The following GPNMB variants were observed in gnomAD, a reference collection of about 807,000 sequenced individuals.
GPNMB encodes glycoprotein nmb.
In GPNMB, 71 loss-of-function variants were observed where a neutral mutation model predicts 57.3. The ratio of observed to expected loss-of-function variants is 1.24; its 90% CI spans 1.02 to 1.51. The LOEUF (loss-of-function observed/expected upper bound fraction) is 1.51. Ranked by LOEUF, GPNMB falls within the 40% of genes most tolerant of loss-of-function variation. GPNMB has a pLI of 0.00. For synonymous variants in GPNMB, 253 were observed against 263.2 expected (o/e 0.96, Z 0.38); for missense variants, 677 against 691.9 (o/e 0.98, Z 0.24).
chr7:23,249,349 A>G (rs1782610285), intron 1 of GPNMB, among the ~76,000 whole-genome samples: 1 of 152,240 alleles, frequency 6.6e-6, no homozygotes. Context: ...CATGCAAAAC[A>G]GGACATCACA....
intron 6 of GPNMB, among the ~76,000 whole-genome samples, chr7:23,262,604 T>TTC (rs1782951193): frequency 1.5e-5 from 2 of 132,460 alleles, no homozygotes; most frequent in East Asian, 2.2e-4. Flanking sequence ...TATTTCACCA[T>TTC]TCTCTTTTTT....
At chr7:23,268,927 G>A (rs945974633) in intron 8 of GPNMB, among the ~76,000 whole-genome samples, 2 of 152,166 alleles carry the variant, frequency 1.3e-5, no homozygotes, top group African/African-American at 4.8e-5. Flanking sequence ...ATGAGATAGC[G>A]GTCAGGACAG....
intron 1 of GPNMB, among the ~76,000 whole-genome samples, chr7:23,251,958 A>G (rs1321221901): frequency 6.6e-6 from 1 of 152,216 alleles, no homozygotes; most frequent in African/African-American, 2.4e-5. Context: ...GTCTGCTACA[A>G]TTCTCAAAAG....
At chr7:23,251,032 G>A (rs916443802) in intron 1 of GPNMB, among the ~76,000 whole-genome samples, 2 of 152,278 alleles carry the variant, frequency 1.3e-5, no homozygotes, top group Admixed American at 6.5e-5. Context: ...CCAAATAGGA[G>A]CAATCTCATA....
Position 23,273,528 on chromosome 7 carries a change from C to G in GPNMB, c.1437C>G (p.Ala479=), listed in dbSNP as rs763713616. 1.9e-6 allele frequency: 3 copies of G among 1,611,528 alleles called. No homozygotes were observed. The highest frequency in any genetic ancestry group is 2.5e-6 in the Non-Finnish European group (3 of 1,177,710). The change falls in exon 10 of 11, where the codon GCC becomes GCG. Residue 479 remains alanine, a synonymous_variant. Transcript: ENST00000258733. ...TLISVPDRDP[A]SPLRMANSAL... ...TCTTGCTTCTGTTTTAAGACCCAGCCTCGCCTTTAAGGATGGCAAACAGTG... is the reference window on the plus strand; with the variant it reads ...TCTTGCTTCTGTTTTAAGACCCAGCGTCGCCTTTAAGGATGGCAAACAGTG...
intron 1 of GPNMB, among the ~76,000 whole-genome samples, chr7:23,250,158 T>C (rs1348751907): frequency 6.6e-6 from 1 of 152,256 alleles, no homozygotes; most frequent in Admixed American, 6.5e-5. Context: ...AAATTCTTTA[T>C]ATATTCTAAA....
At position 23,273,202 on chromosome 7, in the gene GPNMB, G is replaced by T. The variant is rs191062793; in HGVS notation, c.1430-319G>T. On this transcript the variant is annotated intron_variant, in intron 9 of 10. Coordinates refer to ENST00000258733, the MANE Select transcript of GPNMB (RefSeq NM_002510.3). ...GTAAGTAGAGAGAGAGGAAGCTGGA[G>T]GCACGGCCGCCTGATCACAGGAGCC... 54 of 238,016 alleles carry T rather than the reference G, an allele frequency of 2.3e-4. No homozygotes were observed. The East Asian group carries it at 5.3e-3, about 23-fold the overall frequency. 14.7% of individuals were successfully genotyped at this position (238,016 alleles called of 1,614,324 possible). A position where few individuals can be genotyped will look rare whatever the true frequency, so the allele number is the denominator to read the frequency against.
At position 23,247,343 on chromosome 7, in the gene GPNMB, G is replaced by C. The variant is rs1231761087; in HGVS notation, c.70+416G>C. On this transcript the variant is annotated intron_variant, in intron 1 of 10. Coordinates refer to ENST00000258733, the MANE Select transcript of GPNMB (RefSeq NM_002510.3). The stretch of plus-strand genomic sequence containing the variant: ...GTCTCCAATCTGGAGGCAAATTTAC[G>C]AATCTCCCCAGCCCTGAAGCTATTG... 1.3e-5 allele frequency: 3 copies of C among 228,632 alleles called. No individual in the cohort carries two copies. In the East Asian group the frequency reaches 3.2e-4, roughly 24 times the overall value. The allele number at this position is 228,632 out of a possible 1,614,324, so 14.2% of individuals were successfully genotyped here. A position where few individuals can be genotyped will look rare whatever the true frequency, so the allele number is the denominator to read the frequency against.
rs1783263572 is a variant in GPNMB at position 23,273,579 on chromosome 7, C to T, written c.1488C>T (p.Ala496=). ...NSALISVGCL[A]IFVTVISLLV... is the part of the protein sequence containing the mutation. ...CCCTGATCTCCGTTGGCTGCTTGGCCATATTTGTCACTGTGATCTCCCTCT... is the reference window on the plus strand; with the variant it reads ...CCCTGATCTCCGTTGGCTGCTTGGCTATATTTGTCACTGTGATCTCCCTCT... Residue 496 remains alanine (A), a synonymous_variant, in exon 10 of 11, where the codon GCC becomes GCT. Coordinates refer to ENST00000258733, the MANE Select transcript of GPNMB (RefSeq NM_002510.3). 1 of 1,613,550 alleles carries T rather than the reference C, an allele frequency of 6.2e-7. No individual in the cohort carries two copies.
At chr7:23,269,870 T>C in intron 8 of GPNMB, 97 bp from the exon 9 acceptor site, 3 of 788,106 alleles carry the variant, frequency 3.8e-6, no homozygotes, top group Admixed American at 2.1e-5. Context: ...TTCAATTTCA[T>C]AGAAATGTAA....
chr7:23,267,609 C>T (rs1237062860), intron 7 of GPNMB, among the ~76,000 whole-genome samples: 1 of 152,128 alleles, frequency 6.6e-6, no homozygotes, highest in Non-Finnish European at 1.5e-5. Context: ...TCATAGATGG[C>T]AGATAGCAGT....
At chr7:23,272,175 C>A (rs1350276380) in intron 9 of GPNMB, among the ~76,000 whole-genome samples, 3 of 152,204 alleles carry the variant, frequency 2.0e-5, no homozygotes, top group African/African-American at 7.2e-5. Flanking sequence ...TTTAGAATTA[C>A]CTTTAGAGTC....
In GPNMB at chr7:23,270,068, C is replaced by T; in HGVS notation, c.1322C>T (p.Thr441Ile). The change falls in exon 9 of 11, where the codon ACT becomes ATT. Residue 441 changes from threonine to isoleucine, a missense_variant. By Grantham distance (89) the Thr-to-Ile change is moderately conservative. Transcript: ENST00000258733. Reference protein sequence around the residue: ...PVDVDEMCLLTVRRTFNGSGT... With the variant: ...PVDVDEMCLLIVRRTFNGSGT... ...GATGTGGATGAGATGTGTCTGCTGACTGTGAGACGAACCTTCAATGGGTCT... is the reference window on the plus strand; with the variant it reads ...GATGTGGATGAGATGTGTCTGCTGATTGTGAGACGAACCTTCAATGGGTCT... 6.2e-7 allele frequency: 1 copy of T among 1,614,036 alleles called. No homozygotes were observed. Among genetic ancestry groups the T allele is most frequent in the Non-Finnish European group, 8.5e-7 (1 of 1,179,914 alleles).
chr7:23,251,055 A>G (rs1305856867), intron 1 of GPNMB, among the ~76,000 whole-genome samples: 2 of 152,322 alleles, frequency 1.3e-5, no homozygotes, highest in South Asian at 2.1e-4. Flanking sequence ...ATCACAGGAC[A>G]TTTGGCTTTT....
intron 7 of GPNMB, among the ~76,000 whole-genome samples, chr7:23,267,360 T>C (rs892075138): frequency 9.2e-5 from 14 of 152,232 alleles, no homozygotes; most frequent in African/African-American, 3.1e-4. Flanking sequence ...TGGGGGTAGA[T>C]TGCCAGATCT....
chr7:23,255,690 T>G (rs1231993659), intron 3 of GPNMB, among the ~76,000 whole-genome samples: 2 of 152,198 alleles, frequency 1.3e-5, no homozygotes, highest in Non-Finnish European at 2.9e-5. Flanking sequence ...CTGTTGGTGA[T>G]TTGTATGACT....
chr7:23,264,766 T>C (rs1159440415), intron 6 of GPNMB, among the ~76,000 whole-genome samples: 3 of 152,208 alleles, frequency 2.0e-5, no homozygotes, highest in Non-Finnish European at 4.4e-5. Flanking sequence ...CTTTATTTCA[T>C]TTTTAGCACT....
intron 6 of GPNMB, among the ~76,000 whole-genome samples, chr7:23,265,082 A>C (rs987874837): frequency 6.6e-6 from 1 of 152,198 alleles, no homozygotes; most frequent in African/African-American, 2.4e-5. Flanking sequence ...ACTGCATTCG[A>C]TCTAACACAG....
At chr7:23,262,113 T>C (rs1782940607) in intron 6 of GPNMB, among the ~76,000 whole-genome samples, 1 of 152,210 alleles carries the variant, frequency 6.6e-6, no homozygotes, top group African/African-American at 2.4e-5. Context: ...CTGTTTGTTA[T>C]AAATTATAAA....
Sources: allele counts gnomAD v4.1 joint callset (sites outside exome capture counted in the v4.1 genomes callset), GRCh38; gene constraint gnomAD v4.1.1; transcripts MANE v1.5; gene names NCBI Gene and HGNC (gene_info 2026-07-23, HGNC 2026-07-21).